The following ZNF365 variants were observed in gnomAD, a reference collection of about 807,000 sequenced individuals.
ZNF365 encodes zinc finger protein 365.
Under a neutral mutation model 35.0 loss-of-function variants are expected in ZNF365, and 22 were observed. The ratio of observed to expected loss-of-function variants is 0.63; its 90% CI spans 0.45 to 0.90. ZNF365 has a LOEUF of 0.90. Among genes scored for constraint, ZNF365 ranks in the 40% least tolerant of loss-of-function variants. The pLI is 0.00. For synonymous variants in ZNF365, 188 were observed against 196.2 expected (o/e 0.96, Z 0.35); for missense variants, 448 against 500.3 (o/e 0.90, Z 1.00).
chr10:62,392,991 A>G (rs957414569), intron 3 of ZNF365, among the ~76,000 whole-genome samples: 17 of 151,980 alleles, frequency 1.1e-4, no homozygotes, highest in Admixed American at 1.1e-3. Context: ...TGCTTTATTC[A>G]ATAAGCTTTT....
chr10:62,425,889 A>C (rs1840243665), intron 3 of ZNF365, among the ~76,000 whole-genome samples: 1 of 152,182 alleles, frequency 6.6e-6, no homozygotes, highest in African/African-American at 2.4e-5. Flanking sequence ...TACCTGGCAT[A>C]TAGTAGGAAT....
intron 3 of ZNF365, among the ~76,000 whole-genome samples, chr10:62,453,709 C>G (rs905309219): frequency 2.0e-5 from 3 of 152,094 alleles, no homozygotes; most frequent in African/African-American, 7.2e-5. Context: ...AGAAACTGTA[C>G]TCTTTGACAA....
At chr10:62,475,168 T>A (rs1841108096) in intron 4 of ZNF365, among the ~76,000 whole-genome samples, 1 of 152,180 alleles carries the variant, frequency 6.6e-6, no homozygotes, top group Admixed American at 6.5e-5. Flanking sequence ...GGGTTACAAG[T>A]TTGTCATCAT....
chr10:62,383,609 A>G (rs900090050), intron 2 of ZNF365, among the ~76,000 whole-genome samples: 1 of 152,248 alleles, frequency 6.6e-6, no homozygotes, highest in African/African-American at 2.4e-5. Flanking sequence ...ATTAAAATGC[A>G]TAGTTCAATG....
intron 3 of ZNF365, among the ~76,000 whole-genome samples, chr10:62,393,073 C>T (rs1371467826): frequency 6.7e-6 from 1 of 149,122 alleles, no homozygotes; most frequent in East Asian, 2.0e-4. Context: ...GACACAAATA[C>T]ACACAGAGCC....
chr10:62,411,418 A>G (rs1218242299), intron 3 of ZNF365, among the ~76,000 whole-genome samples: 5 of 152,058 alleles, frequency 3.3e-5, no homozygotes, highest in South Asian at 2.1e-4. Context: ...TGGGTTTTAC[A>G]TTTAAGTTTT....
At chr10:62,399,351 CG>C (rs1839784369) in intron 4 of ZNF365, among the ~76,000 whole-genome samples, 176 bp from the exon 5 acceptor site, 1 of 152,012 alleles carries the variant, frequency 6.6e-6, no homozygotes. Context: ...CTTTTCATGG[CG>C]ACCACAGGAA....
rs142649111 is a variant in ZNF365 at position 62,412,807 on chromosome 10, G to A, written c.924+24231G>A. 5.9e-3 allele frequency among the ~76,000 whole-genome samples: 892 copies of A among 152,198 alleles called. 10 individuals are homozygous for A. Among genetic ancestry groups the A allele is most frequent in the African/African-American group, 0.021 (874 of 41,494 alleles). ...AATGGAAAAACATTCCATGCTCATG[G>A]ATAGGAAGAATCAATATCATGAAAA... On this transcript the variant is annotated intron_variant, in intron 3 of 4. Transcript: ENST00000395255.
chr10:62,442,495 A>T lies in ZNF365; in HGVS notation c.925-17246A>T, dbSNP rs140425352. On this transcript the variant is annotated intron_variant, in intron 3 of 4. Transcript: ENST00000395255. ...GTGGGTGGGGTGGAGGGAGATACTCACAGGCTTACGTTACAATTGCTGGTG... is the reference window on the plus strand; with the variant it reads ...GTGGGTGGGGTGGAGGGAGATACTCTCAGGCTTACGTTACAATTGCTGGTG... Among the ~76,000 whole-genome samples the T allele has an allele frequency of 1.2e-3, 184 of 152,338 alleles. 7 individuals carry two copies. In the East Asian group the frequency reaches 0.026, roughly 21 times the overall value.
chr10:62,451,567 A>G (rs896997863), intron 3 of ZNF365, among the ~76,000 whole-genome samples: 1 of 152,206 alleles, frequency 6.6e-6, no homozygotes, highest in African/African-American at 2.4e-5. Flanking sequence ...TTTGAGACTT[A>G]GATGACTTGA....
At chr10:62,474,225 A>G (rs896131521) in intron 4 of ZNF365, among the ~76,000 whole-genome samples, 2 of 152,216 alleles carry the variant, frequency 1.3e-5, no homozygotes, top group Non-Finnish European at 2.9e-5. Context: ...GCCACCTTCC[A>G]TGAAAGATAT....
chr10:62,449,547 A>T (rs1377600576), intron 3 of ZNF365, among the ~76,000 whole-genome samples: 1 of 152,236 alleles, frequency 6.6e-6, no homozygotes, highest in Non-Finnish European at 1.5e-5. Context: ...TGGGTTTATT[A>T]TGAGTGTATT....
rs903307100 is a variant in ZNF365, at chr10:62,471,971, G to A, written c.982-7905G>A. ...ATGCAATTATCAGTAGCATAAGAAT[G>A]GAAATTGCCTGTAAGTGTTCAAGCT... is the stretch of plus-strand genomic sequence containing the variant. On this transcript the variant is annotated intron_variant, in intron 4 of 4. Transcript: ENST00000395255. 3.3e-5 allele frequency among the ~76,000 whole-genome samples: 5 copies of A among 152,206 alleles called. No individual in the cohort carries two copies. In the East Asian group the frequency reaches 9.6e-4, roughly 29 times the overall value.
chr10:62,448,349 G>C (rs1487067752), intron 3 of ZNF365, among the ~76,000 whole-genome samples: 3 of 152,186 alleles, frequency 2.0e-5, no homozygotes, highest in Non-Finnish European at 4.4e-5. Flanking sequence ...TCAAAAATGT[G>C]AGCCTAGAGT....
chr10:62,474,467 C>T (rs1295515256), intron 4 of ZNF365, among the ~76,000 whole-genome samples: 1 of 152,122 alleles, frequency 6.6e-6, no homozygotes, highest in Non-Finnish European at 1.5e-5. Flanking sequence ...TACTCTTTGC[C>T]ATTTCGTGTG....
At chr10:62,434,342 G>A (rs778588145) in intron 3 of ZNF365, among the ~76,000 whole-genome samples, 1 of 152,088 alleles carries the variant, frequency 6.6e-6, no homozygotes, top group African/African-American at 2.4e-5. Context: ...CAACTGATGG[G>A]TGGAGAGGTT....
At chr10:62,382,225 T>G (rs1839451506) in intron 2 of ZNF365, among the ~76,000 whole-genome samples, 2 of 152,162 alleles carry the variant, frequency 1.3e-5, no homozygotes, top group African/African-American at 4.8e-5. Flanking sequence ...CATTTTTTGA[T>G]CAGCTAAAGC....
Position 62,400,276 on chromosome 10 carries a change from G to A in ZNF365, c.*487G>A, listed in dbSNP as rs1839804452. The A allele has an allele frequency of 1.0e-6, 1 of 986,596 alleles. No individual in the cohort carries two copies. The highest frequency in any genetic ancestry group is 1.2e-6 in the Non-Finnish European group (1 of 830,522). 61.1% of individuals were successfully genotyped at this position (986,596 alleles called of 1,614,324 possible). A position where few individuals can be genotyped will look rare whatever the true frequency, so the allele number is the denominator to read the frequency against. ...GTATAACCTTCCCCTCAGCTAATTT[G>A]AAAGCCTCCAAAATAAGGATTCCCA... On this transcript the variant is annotated 3_prime_UTR_variant, in exon 5 of 5. Transcript: ENST00000395254.
At chr10:62,436,035 G>GT (rs1316242267) in intron 3 of ZNF365, among the ~76,000 whole-genome samples, 2 of 151,694 alleles carry the variant, frequency 1.3e-5, no homozygotes, top group Non-Finnish European at 1.5e-5. Context: ...TGGGTATTTG[G>GT]TTTTTTTTGT....
Sources: gnomAD v4.1 joint callset for allele counts (sites outside exome capture counted in the v4.1 genomes callset) on GRCh38, gnomAD v4.1.1 for gene constraint, MANE v1.5 for transcripts, NCBI Gene and HGNC (gene_info 2026-07-23, HGNC 2026-07-21) for gene names.